TTC39C: variants seen among roughly 807,000 people sequenced by gnomAD.
TTC39C encodes tetratricopeptide repeat domain 39C, also known as tetratricopeptide repeat protein 39C.
In TTC39C, 33 loss-of-function variants were observed where a neutral mutation model predicts 76.3. The ratio of observed to expected loss-of-function variants is 0.43; its 90% confidence interval spans 0.33 to 0.58. The LOEUF is 0.58. Among genes scored for constraint, TTC39C ranks in the 20% least tolerant of loss-of-function variants. The pLI, the probability that TTC39C is intolerant of heterozygous loss-of-function variation, is 0.04. For synonymous variants in TTC39C, 254 were observed against 260.6 expected (o/e 0.97, Z 0.24); for missense variants, 595 against 701.4 (o/e 0.85, Z 1.71).
chr18:24,046,893 C>T (rs758943142), intron 1 of TTC39C, among the ~76,000 whole-genome samples: 29 of 151,590 alleles, frequency 1.9e-4, no homozygotes, highest in Admixed American at 1.3e-4. Flanking sequence ...TACATTTAAA[C>T]GTATTTTATT....
chr18:23,997,700 AAG>A (rs938673894), intron 1 of TTC39C, among the ~76,000 whole-genome samples: 2 of 151,450 alleles, frequency 1.3e-5, no homozygotes, highest in Non-Finnish European at 2.9e-5. Flanking sequence ...GAAAGAAAGA[AAG>A]AAAGAAAGAA....
In TTC39C at chr18:24,039,432, A is replaced by G. The variant is rs572533572; in HGVS notation, c.167+24394A>G. Among the ~76,000 whole-genome samples the G allele has an allele frequency of 3.7e-4, 56 of 152,342 alleles. 3 individuals are homozygous for G. The South Asian group carries it at 0.011, about 31-fold the overall frequency. ...CACATGATAGGTGGGTCTGTGTTCT[A>G]TGTAGAACCATGGATTTTACCCTTT... On this transcript the variant is annotated intron_variant, in intron 1 of 13. Transcript: ENST00000317571.
At chr18:24,109,523 T>C (rs2145802016) in intron 6 of TTC39C, among the ~76,000 whole-genome samples, 1 of 152,026 alleles carries the variant, frequency 6.6e-6, no homozygotes. Flanking sequence ...AAATTTAAAT[T>C]ATGGCGATTT....
Position 24,103,211 on chromosome 18 carries a change from G to A in TTC39C, c.985-11343G>A, listed in dbSNP as rs529122534. 5.3e-5 allele frequency among the ~76,000 whole-genome samples: 8 copies of A among 152,288 alleles called. No homozygotes were observed. The East Asian group carries it at 5.8e-4, about 11-fold the overall frequency. On this transcript the variant is annotated intron_variant, in intron 6 of 13. Coordinates refer to ENST00000317571, the MANE Select transcript of TTC39C (RefSeq NM_001135993.2). Reference sequence around the variant, plus strand: ...AGTCATATTCATTTGAGAATGTGGCGAAGTACAAAAGTATGTCAAGGTACA... The same window carrying A: ...AGTCATATTCATTTGAGAATGTGGCAAAGTACAAAAGTATGTCAAGGTACA...
At chr18:24,130,917 C>T (rs1053867547) in intron 12 of TTC39C, among the ~76,000 whole-genome samples, 2 of 145,922 alleles carry the variant, frequency 1.4e-5, no homozygotes, top group African/African-American at 5.0e-5. Context: ...GGCTCAGTGG[C>T]TCATGCCTGT....
chr18:24,122,639 T>C (rs1217384130), intron 8 of TTC39C, among the ~76,000 whole-genome samples: 1 of 150,584 alleles, frequency 6.6e-6, no homozygotes, highest in East Asian at 2.0e-4. Flanking sequence ...GAGGAAAGGA[T>C]GGAGTTGTGG....
At chr18:24,111,692 T>TG (rs2084812955) in intron 6 of TTC39C, among the ~76,000 whole-genome samples, 2 of 151,918 alleles carry the variant, frequency 1.3e-5, no homozygotes, top group Non-Finnish European at 2.9e-5. Context: ...CCCAGGAGTT[T>TG]GGGACCAGCA....
At chr18:24,001,871 G>A (rs1183475203) in intron 1 of TTC39C, among the ~76,000 whole-genome samples, 6 of 140,480 alleles carry the variant, frequency 4.3e-5, no homozygotes, top group African/African-American at 1.4e-4. Flanking sequence ...TGTGGCCCAG[G>A]CGGGAGTGCA....
At chr18:24,031,358 A>G (rs960698195) in intron 1 of TTC39C, among the ~76,000 whole-genome samples, 2 of 152,186 alleles carry the variant, frequency 1.3e-5, no homozygotes, top group African/African-American at 2.4e-5. Context: ...TCCCAGTCCT[A>G]GAGTGTATGC....
At chr18:24,074,277 T>G (rs982475752) in intron 4 of TTC39C, among the ~76,000 whole-genome samples, 2 of 152,196 alleles carry the variant, frequency 1.3e-5, no homozygotes, top group African/African-American at 4.8e-5. Flanking sequence ...TCTGTGTCCT[T>G]AGAACCTGGT....
intron 6 of TTC39C, among the ~76,000 whole-genome samples, chr18:24,095,005 A>G (rs931594595): frequency 6.6e-6 from 1 of 152,246 alleles, no homozygotes; most frequent in African/African-American, 2.4e-5. Flanking sequence ...TTCTTCCAAT[A>G]GAAGGCTGCT....
chr18:24,029,688 A>G (rs201808999), intron 1 of TTC39C, among the ~76,000 whole-genome samples: 4 of 14,258 alleles, frequency 2.8e-4, no homozygotes, highest in East Asian at 0.024. Flanking sequence ...CCCAAAGTCT[A>G]TTGTCATTGT....
Position 24,130,353 on chromosome 18 carries a change from A to G in TTC39C, c.1559A>G (p.Asn520Ser). 1 of 1,594,292 alleles carries G rather than the reference A, an allele frequency of 6.3e-7. No homozygotes were observed. The highest frequency in any genetic ancestry group is 8.5e-7 in the Non-Finnish European group (1 of 1,171,796). The change falls in exon 12 of 14, where the codon AAT becomes AGT. Residue 520 changes from asparagine to serine, a missense_variant. Coordinates refer to ENST00000317571, the MANE Select transcript of TTC39C (RefSeq NM_001135993.2). Reference sequence around the variant, plus strand: ...GTTAAAGATGAATTGTGTCGTCAGAATAACTTATATGTTCAGCCGTATGCC... The same window carrying G: ...GTTAAAGATGAATTGTGTCGTCAGAGTAACTTATATGTTCAGCCGTATGCC... ...RAVKDELCRQ[N>S]NLYVQPYACY...
In TTC39C at chr18:23,999,243, C is replaced by T. The variant is rs118105633; in HGVS notation, c.-17+6205C>T. On this transcript the variant is annotated intron_variant, in intron 1 of 13. Transcript: ENST00000304621. ...TTCCGGGTTTCCATAGAAATCAGAG[C>T]CTGAGGCCAAGTTTAAGGTATAAGG... 5.6e-4 allele frequency among the ~76,000 whole-genome samples: 86 copies of T among 152,228 alleles called. 1 individual carries two copies. In the Middle Eastern group the frequency reaches 0.01, roughly 18 times the overall value.
intron 6 of TTC39C, among the ~76,000 whole-genome samples, chr18:24,111,157 A>AT (rs1452827942): frequency 2.6e-5 from 4 of 151,946 alleles, no homozygotes; most frequent in Non-Finnish European, 5.9e-5. Flanking sequence ...CGCCCAGCTA[A>AT]TTTTTTGTAT....
chr18:24,051,647 C>G (rs1490220644), intron 1 of TTC39C, among the ~76,000 whole-genome samples: 2 of 152,208 alleles, frequency 1.3e-5, no homozygotes, highest in African/African-American at 4.8e-5. Flanking sequence ...TAAAAGGTCC[C>G]TAAAGGTCAT....
At chr18:23,998,093 T>C (rs2083283689) in intron 1 of TTC39C, among the ~76,000 whole-genome samples, 1 of 152,164 alleles carries the variant, frequency 6.6e-6, no homozygotes, top group African/African-American at 2.4e-5. Flanking sequence ...AGTGCTAGGC[T>C]TTCCCCACAC....
At chr18:24,075,696 A>C (rs370828031) in intron 4 of TTC39C, among the ~76,000 whole-genome samples, 10,273 of 150,940 alleles carry the variant, frequency 0.068, 862 homozygotes, top group African/African-American at 0.2. Flanking sequence ...AAAAAAAAAA[A>C]AAAAAAACAA....
Position 24,132,659 on chromosome 18 carries a change from G to A in TTC39C, c.*85G>A. ...CAGAGGACAAAGCTCTTGTGAAGAT[G>A]GGCTTTTCTTCTGAAAACCACCTGT... is the stretch of plus-strand genomic sequence containing the variant. On this transcript the variant is annotated 3_prime_UTR_variant, in exon 14 of 14. Transcript: ENST00000317571. The A allele has an allele frequency of 8.4e-7, 1 of 1,189,568 alleles. No homozygotes were observed. The highest frequency in any genetic ancestry group is 1.2e-6 in the Non-Finnish European group (1 of 845,916). The allele number at this position is 1,189,568 out of a possible 1,614,324, so 73.7% of individuals were successfully genotyped here.
Sources: gnomAD v4.1 joint callset for allele counts (sites outside exome capture counted in the v4.1 genomes callset) on GRCh38, gnomAD v4.1.1 for gene constraint, MANE v1.5 for transcripts, NCBI Gene and HGNC (gene_info 2026-07-23, HGNC 2026-07-21) for gene names.